ZFP64: variants seen among roughly 807,000 people sequenced by gnomAD.
ZFP64 encodes zinc finger protein 64.
ZFP64 carries 14 observed loss-of-function variants against 51.6 expected under a neutral mutation model. The observed-to-expected ratio is 0.27, with a 90% CI of 0.18 to 0.42. ZFP64 has a LOEUF of 0.42. ZFP64 is among the 10% of genes least tolerant of loss of function. The pLI, the probability that ZFP64 is intolerant of heterozygous loss-of-function variation, is 1.00. For synonymous variants in ZFP64, 375 were observed against 361.4 expected (o/e 1.04, Z -0.43); for missense variants, 754 against 906.8 (o/e 0.83, Z 2.16).
chr20:52,153,357 G>T lies in ZFP64; in HGVS notation c.835C>A (p.Arg279=). 6.2e-7 allele frequency: 1 copy of T among 1,614,186 alleles called. No homozygotes were observed. Among genetic ancestry groups the T allele is most frequent in the Non-Finnish European group, 8.5e-7 (1 of 1,180,030 alleles). ...KISSDLKRHM[R]VHSGEKPFKC... Reference sequence around the variant, plus strand: ...AAAGGCTTCTCCCCCGAGTGCACCCGCATGTGCCTTTTCAAGTCCGAGCTG... The same window carrying T: ...AAAGGCTTCTCCCCCGAGTGCACCCTCATGTGCCTTTTCAAGTCCGAGCTG... Residue 279 remains arginine, a synonymous_variant, in exon 6 of 6, where the codon CGG becomes AGG. Transcript: ENST00000216923. The surrounding 1 kb of genome is among the most constrained non-coding windows in gnomAD (Gnocchi z 5.1).
chr20:52,187,633 T>A (rs1246148474), intron 1 of ZFP64, among the ~76,000 whole-genome samples: 3 of 151,082 alleles, frequency 2.0e-5, no homozygotes, highest in Non-Finnish European at 3.0e-5. Context: ...AAAAAAAAAA[T>A]AATTTTTTTT....
At chr20:52,147,773 G>A (rs900665721), downstream of ZFP64, among the ~76,000 whole-genome samples, 1 of 152,144 alleles carries the variant, frequency 6.6e-6, no homozygotes, top group Admixed American at 6.5e-5. Context: ...CCAGCACTTT[G>A]GGAGGCCGAG....
intron 7 of ZFP64, among the ~76,000 whole-genome samples, chr20:52,092,433 G>T (rs1165188314): frequency 1.3e-5 from 2 of 152,174 alleles, no homozygotes; most frequent in East Asian, 1.9e-4. Context: ...AGCAGAAGGG[G>T]ACTACAGATA....
chr20:52,097,459 T>TG (rs1370295478), intron 6 of ZFP64: 1 of 1,584,662 alleles, frequency 6.3e-7, no homozygotes, highest in East Asian at 2.2e-5. Flanking sequence ...ATAGATTTTT[T>TG]TTTTTTTTTT....
At chr20:52,159,031 A>ACAGC (rs1439915513) in intron 5 of ZFP64, among the ~76,000 whole-genome samples, 2 of 152,214 alleles carry the variant, frequency 1.3e-5, no homozygotes, top group African/African-American at 4.8e-5. Context: ...AGGCCAGTGG[A>ACAGC]CAGCCAGCCA....
intron 5 of ZFP64, among the ~76,000 whole-genome samples, chr20:52,117,859 G>A (rs8116847): frequency 3.3e-5 from 5 of 151,834 alleles, no homozygotes; most frequent in Non-Finnish European, 4.4e-5. Context: ...ACAGTGATGC[G>A]ATCACAGCTC....
intron 5 of ZFP64, among the ~76,000 whole-genome samples, chr20:52,109,852 G>A (rs867108655): frequency 2.4e-4 from 37 of 151,564 alleles, no homozygotes; most frequent in African/African-American, 8.3e-4. Context: ...GTTCTTATAG[G>A]TGACAACTTT....
chr20:52,084,934 G>C, exon 9 of ZFP64: 1 of 1,613,726 alleles, frequency 6.2e-7, no homozygotes, highest in East Asian at 2.2e-5. Flanking sequence ...TTGAAGGGAC[G>C]GTCCTTACAG....
downstream of ZFP64, among the ~76,000 whole-genome samples, chr20:52,150,518 A>G (rs1980740588): frequency 6.6e-6 from 1 of 151,610 alleles, no homozygotes; most frequent in Non-Finnish European, 1.5e-5. Flanking sequence ...AATCACTAAC[A>G]TTGTACACTG....
At chr20:52,163,964 A>G (rs1408749665) in intron 4 of ZFP64, among the ~76,000 whole-genome samples, 1 of 152,224 alleles carries the variant, frequency 6.6e-6, no homozygotes, top group Non-Finnish European at 1.5e-5. Context: ...TTTCTAAATT[A>G]CAAAAATAAC....
intron 5 of ZFP64, among the ~76,000 whole-genome samples, chr20:52,135,968 G>A (rs1203273871): frequency 6.6e-6 from 1 of 151,638 alleles, no homozygotes; most frequent in African/African-American, 2.4e-5. Context: ...GCATAGTGGT[G>A]TGTACCTGTA....
chr20:52,098,551 C>T, exon 6 of ZFP64: 7 of 1,614,082 alleles, frequency 4.3e-6, no homozygotes, highest in African/African-American at 1.3e-5. Flanking sequence ...AGTGGAGAGG[C>T]AGTTTGCTTT....
rs567297561 is a variant in ZFP64 at position 52,117,170 on chromosome 20, T to C, written c.764-18583A>G. Among the ~76,000 whole-genome samples, 83 of 152,382 alleles carry C rather than the reference T, an allele frequency of 5.4e-4. 1 individual carries two copies. The highest frequency in any genetic ancestry group is 2.0e-3 in the African/African-American group (83 of 41,594). ...TGATTCACATGTGAAAGTTTCTGTA[T>C]GTCCAGAACCTGTATTTAACAAGAT... On this transcript the variant is annotated intron_variant, in intron 5 of 8. Coordinates refer to the ZFP64 transcript ENST00000361387.
At chr20:52,095,100 G>A (rs2122736491) in intron 7 of ZFP64, among the ~76,000 whole-genome samples, 1 of 152,312 alleles carries the variant, frequency 6.6e-6, no homozygotes, top group Admixed American at 6.5e-5. Flanking sequence ...AGAACCACAG[G>A]TTAGAATCCC....
intron 5 of ZFP64, among the ~76,000 whole-genome samples, chr20:52,125,512 A>C (rs1395726389): frequency 2.6e-5 from 4 of 152,222 alleles, no homozygotes; most frequent in Non-Finnish European, 4.4e-5. Context: ...GCTCTGCTGA[A>C]ATGCTGCTAC....
intron 5 of ZFP64, among the ~76,000 whole-genome samples, chr20:52,120,213 T>C (rs1009590354): frequency 6.6e-6 from 1 of 152,186 alleles, no homozygotes; most frequent in Non-Finnish European, 1.5e-5. Flanking sequence ...TTCCAGCCTC[T>C]AGAACTGCAA....
intron 5 of ZFP64, among the ~76,000 whole-genome samples, chr20:52,103,084 ACT>A (rs1198463667): frequency 2.0e-5 from 3 of 151,906 alleles, no homozygotes; most frequent in Non-Finnish European, 2.9e-5. Flanking sequence ...CCTGAAGCCC[ACT>A]CTCCTGGGAA....
chr20:52,151,167 C>T (rs1047130419), downstream of ZFP64: 9 of 878,916 alleles, frequency 1.0e-5, no homozygotes, highest in African/African-American at 9.1e-5. Flanking sequence ...GATTGTGTGA[C>T]GTTTATGAAA....
intron 5 of ZFP64, among the ~76,000 whole-genome samples, chr20:52,141,680 G>A (rs1287090426): frequency 6.6e-6 from 1 of 152,170 alleles, no homozygotes; most frequent in Non-Finnish European, 1.5e-5. Flanking sequence ...GGTTCCTTGA[G>A]ATAGAATCGA....
Sources: allele counts gnomAD v4.1 joint callset (sites outside exome capture counted in the v4.1 genomes callset), GRCh38; gene constraint gnomAD v4.1.1; non-coding constraint Gnocchi (gnomAD v3.1); transcripts MANE v1.5; gene names NCBI Gene and HGNC (gene_info 2026-07-23, HGNC 2026-07-21).